Variants in GALNTL6 observed in about 807,000 individuals in gnomAD.
GALNTL6 encodes polypeptide N-acetylgalactosaminyltransferase-like 6.
GALNTL6 carries 46 observed loss-of-function variants against 73.7 expected under a neutral mutation model. The ratio of observed to expected loss-of-function variants is 0.62; its 90% CI spans 0.49 to 0.80. The LOEUF (loss-of-function observed/expected upper bound fraction) is 0.80, where lower values mean the gene tolerates loss of function less well. Ranked by LOEUF, GALNTL6 falls within the 30% of genes least tolerant of loss-of-function variation. The pLI is 0.00. For synonymous variants in GALNTL6, 259 were observed against 263.7 expected, an observed-to-expected ratio of 0.98 and a Z score of 0.17; for missense variants, 604 against 755.0, an observed-to-expected ratio of 0.80 and a Z score of 2.34.
intron 9 of GALNTL6, among the ~76,000 whole-genome samples, chr4:172,946,748 C>A (rs929507212): frequency 6.6e-6 from 1 of 152,258 alleles, no homozygotes; most frequent in Non-Finnish European, 1.5e-5. Flanking sequence ...TTGTGACACA[C>A]AAAGAACCAC....
intron 2 of GALNTL6, among the ~76,000 whole-genome samples, chr4:172,042,171 A>G (rs537476116): frequency 1.3e-5 from 2 of 152,150 alleles, no homozygotes; most frequent in African/African-American, 4.8e-5. Flanking sequence ...TAATCCCAAA[A>G]CAATGAAGTA....
At chr4:171,879,748 A>G (rs1287775631) in intron 2 of GALNTL6, among the ~76,000 whole-genome samples, 6 of 152,176 alleles carry the variant, frequency 3.9e-5, no homozygotes, top group Non-Finnish European at 4.4e-5. Flanking sequence ...TTTCCCAGAA[A>G]TATTAGAAAT....
chr4:173,007,177 T>C (rs769418546), intron 10 of GALNTL6, among the ~76,000 whole-genome samples: 1 of 152,184 alleles, frequency 6.6e-6, no homozygotes, highest in Non-Finnish European at 1.5e-5. Flanking sequence ...GTATATTTCA[T>C]AAAAACCTCC....
chr4:172,078,073 G>C (rs1011758574), intron 2 of GALNTL6, among the ~76,000 whole-genome samples: 1 of 152,134 alleles, frequency 6.6e-6, no homozygotes, highest in African/African-American at 2.4e-5. Context: ...CCAGAGTTGA[G>C]GTTTGAGAAC....
chr4:172,165,248 G>A (rs1230249104), intron 2 of GALNTL6, among the ~76,000 whole-genome samples: 1 of 152,088 alleles, frequency 6.6e-6, no homozygotes, highest in South Asian at 2.1e-4. Flanking sequence ...AACCAATTAC[G>A]ATATTATGAG....
chr4:173,003,828 A>C (rs1752152184), intron 10 of GALNTL6, among the ~76,000 whole-genome samples: 1 of 152,074 alleles, frequency 6.6e-6, no homozygotes, highest in South Asian at 2.1e-4. Context: ...CATCCATCCT[A>C]CCAAGTGCTC....
chr4:172,597,433 A>G (rs1379590079), intron 5 of GALNTL6, among the ~76,000 whole-genome samples: 1 of 152,216 alleles, frequency 6.6e-6, no homozygotes, highest in African/African-American at 2.4e-5. Context: ...CCACTGGAGA[A>G]ATACGTTAGG....
At chr4:172,965,487 G>A (rs941084141) in intron 10 of GALNTL6, among the ~76,000 whole-genome samples, 1 of 152,100 alleles carries the variant, frequency 6.6e-6, no homozygotes, top group African/African-American at 2.4e-5. Flanking sequence ...GGAGGCTGAG[G>A]TGGGAGAATG....
intron 2 of GALNTL6, among the ~76,000 whole-genome samples, chr4:172,052,785 AC>A (rs1730912692): frequency 6.6e-6 from 1 of 152,126 alleles, no homozygotes; most frequent in Non-Finnish European, 1.5e-5. Context: ...TATTCAGAAA[AC>A]CTTTTTTCTC....
intron 5 of GALNTL6, among the ~76,000 whole-genome samples, chr4:172,751,988 T>C (rs1470792759): frequency 6.7e-6 from 1 of 149,884 alleles, no homozygotes; most frequent in Admixed American, 6.7e-5. Context: ...TAATAGACTA[T>C]GCAGTGGCCC....
At position 172,246,714 on chromosome 4, in the gene GALNTL6, T is replaced by A. The variant is rs565050690; in HGVS notation, c.247+16950T>A. On this transcript the variant is annotated intron_variant, in intron 3 of 12. Coordinates refer to ENST00000506823, the MANE Select transcript of GALNTL6 (RefSeq NM_001034845.3). The stretch of plus-strand genomic sequence containing the variant: ...TTTCTCACAAAAACTCTATGAGGCG[T>A]AAATGGTCAAATATTAATCCTATTT... 1.6e-4 allele frequency among the ~76,000 whole-genome samples: 24 copies of A among 151,252 alleles called. No individual in the cohort carries two copies. The South Asian group carries it at 4.8e-3, about 30-fold the overall frequency.
intron 9 of GALNTL6, among the ~76,000 whole-genome samples, chr4:172,941,690 C>G (rs1053856827): frequency 2.6e-5 from 4 of 152,184 alleles, no homozygotes; most frequent in African/African-American, 9.7e-5. Context: ...AAAGAAGGTC[C>G]CTGCTGCTAC....
chr4:172,703,504 T>G (rs1734149695), intron 5 of GALNTL6, among the ~76,000 whole-genome samples: 1 of 152,082 alleles, frequency 6.6e-6, no homozygotes, highest in Non-Finnish European at 1.5e-5. Flanking sequence ...GTGATCAGTT[T>G]AGATATGTTG....
chr4:171,944,646 C>T (rs1489225116), intron 2 of GALNTL6, among the ~76,000 whole-genome samples: 1 of 151,854 alleles, frequency 6.6e-6, no homozygotes, highest in Non-Finnish European at 1.5e-5. Context: ...TCTAATCCAT[C>T]TTAGACAGGT....
chr4:172,358,811 T>C (rs1287958887), intron 5 of GALNTL6, among the ~76,000 whole-genome samples: 1 of 150,706 alleles, frequency 6.6e-6, no homozygotes, highest in Non-Finnish European at 1.5e-5. Context: ...GTGCTTGTTT[T>C]TGACCTTTGG....
chr4:171,899,170 A>G (rs1196302044), intron 2 of GALNTL6, among the ~76,000 whole-genome samples: 1 of 139,338 alleles, frequency 7.2e-6, no homozygotes, highest in Non-Finnish European at 1.6e-5. Context: ...ATTTTCCAGC[A>G]GATTTCAAAT....
At chr4:171,835,573 C>T (rs1022697629) in intron 2 of GALNTL6, among the ~76,000 whole-genome samples, 5 of 151,676 alleles carry the variant, frequency 3.3e-5, no homozygotes, top group Admixed American at 1.3e-4. Flanking sequence ...TTATAGTGGT[C>T]GAGATCATTA....
intron 5 of GALNTL6, among the ~76,000 whole-genome samples, chr4:172,794,113 T>C (rs1396715989): frequency 6.6e-6 from 1 of 152,184 alleles, no homozygotes; most frequent in African/African-American, 2.4e-5. Context: ...AAAAACAGCC[T>C]AAGCAGATTC....
At chr4:172,875,326 T>C (rs1257413634) in intron 7 of GALNTL6, among the ~76,000 whole-genome samples, 2 of 152,164 alleles carry the variant, frequency 1.3e-5, no homozygotes, top group Non-Finnish European at 2.9e-5. Flanking sequence ...GCTTAGAAAT[T>C]AGAAATGAAT....
Sources: allele counts gnomAD v4.1 joint callset (sites outside exome capture counted in the v4.1 genomes callset), GRCh38; gene constraint gnomAD v4.1.1; transcripts MANE v1.5; gene names NCBI Gene and HGNC (gene_info 2026-07-23, HGNC 2026-07-21).